ADGRV1: variants seen among roughly 807,000 people sequenced by gnomAD.
ADGRV1 encodes G-protein coupled receptor 98.
ADGRV1 carries 359 observed loss-of-function variants against 596.2 expected under a neutral mutation model. The ratio of observed to expected loss-of-function variants is 0.60; its 90% CI spans 0.55 to 0.66. The LOEUF (loss-of-function observed/expected upper bound fraction) is 0.66. Ranked by LOEUF, ADGRV1 falls within the 30% of genes least tolerant of loss-of-function variation. The pLI, the probability that ADGRV1 is intolerant of heterozygous loss-of-function variation, is 0.00. For missense variants in ADGRV1, 7,274 were observed against 7,575.6 expected, an observed-to-expected ratio of 0.96 and a Z score of 1.48; for synonymous variants, 2,681 against 2,679.2, an observed-to-expected ratio of 1.00 and a Z score of -0.02.
At chr5:90,687,811 A>G (rs1396065158) in intron 29 of ADGRV1, among the ~76,000 whole-genome samples, 1 of 152,114 alleles carries the variant, frequency 6.6e-6, no homozygotes, top group Admixed American at 6.5e-5. Flanking sequence ...TGCTTCAAAG[A>G]GAATAAAATA....
At chr5:90,730,607 C>G (rs1752428458) in intron 50 of ADGRV1, among the ~76,000 whole-genome samples, 1 of 152,132 alleles carries the variant, frequency 6.6e-6, no homozygotes, top group African/African-American at 2.4e-5. Flanking sequence ...GTTTCAGAAA[C>G]AAAGTCGATT....
intron 59 of ADGRV1, among the ~76,000 whole-genome samples, chr5:90,764,231 C>T (rs547702699): frequency 1.3e-5 from 2 of 152,276 alleles, no homozygotes; most frequent in South Asian, 4.1e-4. Context: ...AGATATGCCC[C>T]TCTAGGAGCT....
chr5:90,932,582 A>G (rs1775343311), intron 83 of ADGRV1, among the ~76,000 whole-genome samples: 1 of 152,218 alleles, frequency 6.6e-6, no homozygotes, highest in Admixed American at 6.5e-5. Context: ...AGTGTTCACT[A>G]AAAGTTCTAC....
At chr5:91,140,565 T>A (rs561510524) in intron 87 of ADGRV1, among the ~76,000 whole-genome samples, 4 of 152,324 alleles carry the variant, frequency 2.6e-5, no homozygotes, top group South Asian at 2.1e-4. Context: ...TAAAACTTTT[T>A]AAAAAATTAT....
intron 6 of ADGRV1, chr5:90,626,549 A>C (rs995250497): frequency 6.6e-6 from 1 of 152,148 alleles, no homozygotes; most frequent in Non-Finnish European, 1.5e-5. Flanking sequence ...CTCACACAGC[A>C]CAGTGGAGAT....
intron 1 of ADGRV1, among the ~76,000 whole-genome samples, chr5:90,600,105 A>T (rs1373267438): frequency 6.6e-6 from 1 of 152,162 alleles, no homozygotes; most frequent in Non-Finnish European, 1.5e-5. Flanking sequence ...ACTTAGTTGG[A>T]CCATAAGTGA....
At chr5:90,854,304 C>A (rs779837608) in intron 81 of ADGRV1, 103 bp downstream of exon 81, 12 of 749,044 alleles carry the variant, frequency 1.6e-5, no homozygotes, top group Non-Finnish European at 2.5e-5. Flanking sequence ...CCCCAGATGA[C>A]ATTAGACTGG....
chr5:91,087,670 A>G (rs1414056264), intron 86 of ADGRV1, among the ~76,000 whole-genome samples: 3 of 152,196 alleles, frequency 2.0e-5, no homozygotes, highest in African/African-American at 7.2e-5. Flanking sequence ...TTTCTTGAAT[A>G]ACAAACAGCA....
chr5:91,096,326 T>C (rs1408806326), intron 86 of ADGRV1, among the ~76,000 whole-genome samples: 1 of 152,208 alleles, frequency 6.6e-6, no homozygotes, highest in Non-Finnish European at 1.5e-5. Context: ...TACAACACCA[T>C]ACTTTCTTTA....
intron 85 of ADGRV1, among the ~76,000 whole-genome samples, chr5:90,988,111 AAGCTTCTC>A (rs1275896070): frequency 6.6e-6 from 1 of 152,156 alleles, no homozygotes; most frequent in African/African-American, 2.4e-5. Context: ...TGATTTCAAT[AAGCTTCTC>A]TTCTTTACAA....
chr5:90,621,603 A>G (rs1182223883), intron 4 of ADGRV1, among the ~76,000 whole-genome samples: 1 of 152,114 alleles, frequency 6.6e-6, no homozygotes. Context: ...ATTTGTTTAA[A>G]GGTTTCTTTT....
chr5:90,862,100 A>G (rs1197469704), intron 82 of ADGRV1, among the ~76,000 whole-genome samples: 1 of 152,206 alleles, frequency 6.6e-6, no homozygotes, highest in Non-Finnish European at 1.5e-5. Context: ...AGCTGGTCAA[A>G]TTTAGTATAC....
At chr5:90,709,776 A>G (rs1749092797) in intron 39 of ADGRV1, among the ~76,000 whole-genome samples, 1 of 152,234 alleles carries the variant, frequency 6.6e-6, no homozygotes. Flanking sequence ...TACATCAAGT[A>G]TTATTACAAG....
intron 85 of ADGRV1, among the ~76,000 whole-genome samples, chr5:91,030,160 T>G (rs1487070863): frequency 6.6e-6 from 1 of 152,138 alleles, no homozygotes; most frequent in East Asian, 1.9e-4. Flanking sequence ...TGTTGTATGA[T>G]ATTTCTCCTT....
intron 1 of ADGRV1, among the ~76,000 whole-genome samples, chr5:90,569,209 A>G (rs1281581749): frequency 6.6e-6 from 1 of 151,708 alleles, no homozygotes; most frequent in Non-Finnish European, 1.5e-5. Flanking sequence ...CAAAGCCTTC[A>G]TAATGTAATC....
intron 50 of ADGRV1, among the ~76,000 whole-genome samples, chr5:90,738,925 G>A (rs1753601229): frequency 6.6e-6 from 1 of 151,976 alleles, no homozygotes; most frequent in African/African-American, 2.4e-5. Flanking sequence ...CTCCTGTTAT[G>A]TACAGCTTAG....
chr5:91,115,778 G>A (rs1792795985), intron 87 of ADGRV1, among the ~76,000 whole-genome samples: 1 of 151,994 alleles, frequency 6.6e-6, no homozygotes. Flanking sequence ...GAAACCCCAT[G>A]GCTACTAAAA....
intron 68 of ADGRV1, among the ~76,000 whole-genome samples, chr5:90,788,962 T>A (rs1264775769): frequency 6.6e-6 from 1 of 151,948 alleles, no homozygotes; most frequent in Non-Finnish European, 1.5e-5. Flanking sequence ...TTGTGAGGGC[T>A]GGCAAGTCCA....
chr5:90,932,977 G>A (rs528589705), intron 83 of ADGRV1, among the ~76,000 whole-genome samples: 69 of 152,286 alleles, frequency 4.5e-4, no homozygotes, highest in Non-Finnish European at 6.8e-4. Context: ...ATAATTATAC[G>A]TATAAAATTA....
Sources: gnomAD v4.1 joint callset for allele counts (sites outside exome capture counted in the v4.1 genomes callset) on GRCh38, gnomAD v4.1.1 for gene constraint, MANE v1.5 for transcripts, NCBI Gene and HGNC (gene_info 2026-07-23, HGNC 2026-07-21) for gene names.